Variants in CAMK2B observed in about 807,000 individuals in gnomAD.
The protein encoded by CAMK2B is calcium/calmodulin dependent protein kinase II beta.
A neutral mutation model predicts 93.7 loss-of-function variants in CAMK2B; 27 were observed. The observed-to-expected ratio is 0.29, with a 90% CI of 0.21 to 0.40. CAMK2B has a LOEUF of 0.40. Among genes scored for constraint, CAMK2B ranks in the 10% least tolerant of loss-of-function variants. The pLI is 1.00. For synonymous variants in CAMK2B, 374 were observed against 358.8 expected (o/e 1.04, Z -0.48); for missense variants, 568 against 895.8 (o/e 0.63, Z 4.67).
chr7:44,234,092 C>T lies in CAMK2B; in HGVS notation c.1131+298G>A, dbSNP rs77990776. Among the ~76,000 whole-genome samples, 539 of 152,318 alleles carry T rather than the reference C, an allele frequency of 3.5e-3. 4 individuals carry two copies. The highest frequency in any genetic ancestry group is 0.012 in the African/African-American group (505 of 41,562). On this transcript the variant is annotated intron_variant, in intron 15 of 23. Coordinates refer to ENST00000395749, the MANE Select transcript of CAMK2B (RefSeq NM_001220.5). ...TTCCTGAACACTCCTGGAGAGACATCCACAAGTCAACATGGGTGGGAGGCT... is the reference window on the plus strand; with the variant it reads ...TTCCTGAACACTCCTGGAGAGACATTCACAAGTCAACATGGGTGGGAGGCT...
chr7:44,305,648 A>C lies in CAMK2B; in HGVS notation c.65+19709T>G, dbSNP rs2115650657. On this transcript the variant is annotated intron_variant, in intron 1 of 23. Transcript: ENST00000395749. ...GGGAGGTGGGAGCAAGAGGAAAATG[A>C]ATCACAGGACTTGAGCCAAGTAGAG... Among the ~76,000 whole-genome samples, 5 of 152,290 alleles carry C rather than the reference A, an allele frequency of 3.3e-5. 1 individual carries two copies. The highest frequency in any genetic ancestry group is 3.3e-4 in the Admixed American group (5 of 15,308).
intron 3 of CAMK2B, among the ~76,000 whole-genome samples, chr7:44,260,125 C>T (rs1248095007): frequency 6.6e-6 from 1 of 152,230 alleles, no homozygotes; most frequent in Non-Finnish European, 1.5e-5. Flanking sequence ...GACTGGGCCA[C>T]AGACGCTGAA....
chr7:44,230,193 C>T (rs544868131), intron 17 of CAMK2B: 5 of 152,386 alleles, frequency 3.3e-5, no homozygotes, highest in Non-Finnish European at 7.3e-5. Flanking sequence ...CAAACACCCA[C>T]TCTCCGGCAT....
intron 1 of CAMK2B, among the ~76,000 whole-genome samples, chr7:44,289,601 G>A (rs889924446): frequency 7.2e-5 from 11 of 152,166 alleles, no homozygotes; most frequent in Admixed American, 3.3e-4. Context: ...ACCTCACAAG[G>A]GCTGGTGACT....
Position 44,287,140 on chromosome 7 carries a change from C to T in CAMK2B, c.66-2915G>A, listed in dbSNP as rs548390932. Among the ~76,000 whole-genome samples, 71 of 152,196 alleles carry T rather than the reference C, an allele frequency of 4.7e-4. 1 individual carries two copies. The highest frequency in any genetic ancestry group is 1.6e-3 in the African/African-American group (66 of 41,512). On this transcript the variant is annotated intron_variant, in intron 1 of 23. Coordinates refer to ENST00000395749, the MANE Select transcript of CAMK2B (RefSeq NM_001220.5). ...GGGGGAAGGCGCAGGAGGGCTGGCT[C>T]CCAAGGACACCACTGCTCCCTGCGC...
At chr7:44,284,572 G>A (rs1015927004) in intron 1 of CAMK2B, among the ~76,000 whole-genome samples, 2 of 152,240 alleles carry the variant, frequency 1.3e-5, no homozygotes, top group Non-Finnish European at 2.9e-5. Flanking sequence ...CTACAGGCCT[G>A]TATCCTTGTG....
chr7:44,253,584 T>C lies in CAMK2B; in HGVS notation c.341+958A>G, dbSNP rs1314263714. On this transcript the variant is annotated intron_variant, in intron 5 of 23. Coordinates refer to ENST00000395749, the MANE Select transcript of CAMK2B (RefSeq NM_001220.5). The stretch of plus-strand genomic sequence containing the variant: ...ACAATTTCACCACCTAGCGAGGTCC[T>C]CCGTTAGCCTTATTTATGTATTTAT... 2.0e-5 allele frequency among the ~76,000 whole-genome samples: 3 copies of C among 152,058 alleles called. No homozygotes were observed. In the East Asian group the frequency reaches 5.8e-4, roughly 29 times the overall value.
At chr7:44,284,960 C>T (rs1007233504) in intron 1 of CAMK2B, among the ~76,000 whole-genome samples, 4 of 152,104 alleles carry the variant, frequency 2.6e-5, no homozygotes, top group African/African-American at 9.7e-5. Context: ...AGGGAGCTGA[C>T]CAGCATCAAC....
At chr7:44,242,485 G>T in intron 9 of CAMK2B, 75 bp downstream of exon 9, 1 of 1,506,750 alleles carries the variant, frequency 6.6e-7, no homozygotes, top group Non-Finnish European at 9.1e-7. Context: ...CCCACTCCTA[G>T]CCTCTTCCCA....
chr7:44,260,115 G>A (rs2096867411), intron 3 of CAMK2B, among the ~76,000 whole-genome samples: 1 of 152,206 alleles, frequency 6.6e-6, no homozygotes, highest in Non-Finnish European at 1.5e-5. Context: ...TACCACTTGA[G>A]ACTGGGCCAC....
chr7:44,295,703 T>C (rs923383467), intron 1 of CAMK2B, among the ~76,000 whole-genome samples: 1 of 152,154 alleles, frequency 6.6e-6, no homozygotes, highest in Admixed American at 6.5e-5. Flanking sequence ...AAATATTCAT[T>C]TTGAAATATG....
chr7:44,270,924 T>C (rs1766882249), intron 2 of CAMK2B, among the ~76,000 whole-genome samples: 1 of 152,168 alleles, frequency 6.6e-6, no homozygotes, highest in South Asian at 2.1e-4. Flanking sequence ...CTTTTTCTTT[T>C]CTTTTCTTTT....
chr7:44,250,118 C>T (rs564257876), intron 5 of CAMK2B, among the ~76,000 whole-genome samples: 14 of 152,232 alleles, frequency 9.2e-5, no homozygotes, highest in Non-Finnish European at 1.3e-4. Flanking sequence ...CCCAAGACAA[C>T]GCTGGGCCAG....
intron 1 of CAMK2B, among the ~76,000 whole-genome samples, chr7:44,307,131 GGGGA>G (rs1792024755): frequency 1.5e-5 from 2 of 129,354 alleles, no homozygotes; most frequent in Non-Finnish European, 1.6e-5. Context: ...GTGTGAGCAG[GGGGA>G]GGAGGGTGTG....
intron 1 of CAMK2B, among the ~76,000 whole-genome samples, chr7:44,306,606 A>G (rs2115729539): frequency 6.6e-6 from 1 of 152,364 alleles, no homozygotes; most frequent in Non-Finnish European, 1.5e-5. Flanking sequence ...GGAGAGGTCC[A>G]GCCTGTCTCT....
chr7:44,255,880 C>A (rs1209103012), intron 4 of CAMK2B, among the ~76,000 whole-genome samples: 2 of 152,216 alleles, frequency 1.3e-5, no homozygotes, highest in Non-Finnish European at 2.9e-5. Flanking sequence ...CCCATTGAAT[C>A]CCCTCAAAAT....
intron 1 of CAMK2B, among the ~76,000 whole-genome samples, chr7:44,322,593 G>A (rs1796380135): frequency 6.6e-6 from 1 of 152,230 alleles, no homozygotes; most frequent in South Asian, 2.1e-4. Context: ...CTCTGTACCT[G>A]CTCCCACATG....
intron 6 of CAMK2B, among the ~76,000 whole-genome samples, chr7:44,245,681 C>A (rs2096723061): frequency 6.6e-6 from 1 of 152,052 alleles, no homozygotes; most frequent in African/African-American, 2.4e-5. Flanking sequence ...GCTTGGGATG[C>A]AGAGATGAGA....
At position 44,317,903 on chromosome 7, in the gene CAMK2B, A is replaced by G. The variant is rs531351257; in HGVS notation, c.65+7454T>C. ...TGGCCTCAGGTGCAGACTCCTCTGC[A>G]GAGTCTAGGTATGCAGTGCCCATTG... On this transcript the variant is annotated intron_variant, in intron 1 of 23. Transcript: ENST00000395749. Among the ~76,000 whole-genome samples, 12 of 152,302 alleles carry G rather than the reference A, an allele frequency of 7.9e-5. No homozygotes were observed. In the South Asian group the frequency reaches 2.1e-3, roughly 26 times the overall value.
Sources: gnomAD v4.1 joint callset for allele counts (sites outside exome capture counted in the v4.1 genomes callset) on GRCh38, gnomAD v4.1.1 for gene constraint, MANE v1.5 for transcripts, NCBI Gene and HGNC (gene_info 2026-07-23, HGNC 2026-07-21) for gene names.